The following CRYBG1 variants were observed in gnomAD, a reference collection of about 807,000 sequenced individuals.
The protein encoded by CRYBG1 is crystallin beta-gamma domain containing 1.
Under a neutral mutation model 189.2 loss-of-function variants are expected in CRYBG1, and 139 were observed. The ratio of observed to expected loss-of-function variants is 0.73; its 90% CI spans 0.64 to 0.85. CRYBG1 has a LOEUF of 0.85. CRYBG1 is among the 40% of genes least tolerant of loss of function. The pLI is 0.00. For synonymous variants in CRYBG1, 1,023 were observed against 1,017.1 expected (o/e 1.01, Z -0.11); for missense variants, 2,611 against 2,675.8 (o/e 0.98, Z 0.53).
At chr6:106,518,900 A>C (rs79409210) in intron 3 of CRYBG1, among the ~76,000 whole-genome samples, 5,242 of 152,142 alleles carry the variant, frequency 0.034, 319 homozygotes, top group East Asian at 0.24. Flanking sequence ...TCGAGGCTGC[A>C]GCAATCTATG....
At chr6:106,439,565 G>A (rs1241310518) in intron 1 of CRYBG1, among the ~76,000 whole-genome samples, 1 of 152,142 alleles carries the variant, frequency 6.6e-6, no homozygotes, top group Non-Finnish European at 1.5e-5. Flanking sequence ...TGACTCAAGA[G>A]TCCTCATCAT....
intron 1 of CRYBG1, among the ~76,000 whole-genome samples, chr6:106,412,918 G>T (rs1390540443): frequency 1.4e-5 from 2 of 138,918 alleles, no homozygotes; most frequent in Admixed American, 1.5e-4. Flanking sequence ...GCATCTGTCA[G>T]TACAGAAATC....
chr6:106,467,549 G>A (rs950474837), intron 2 of CRYBG1, among the ~76,000 whole-genome samples: 31 of 152,144 alleles, frequency 2.0e-4, no homozygotes, highest in Admixed American at 1.8e-3. Context: ...GAACCTGCTT[G>A]CAAGGACAAA....
chr6:106,449,088 G>C (rs891051503), intron 1 of CRYBG1, among the ~76,000 whole-genome samples: 1 of 152,176 alleles, frequency 6.6e-6, no homozygotes, highest in African/African-American at 2.4e-5. Flanking sequence ...CCAGGCAAAA[G>C]GATCCTATGT....
rs1379254020 is a variant in CRYBG1 at position 106,488,939 on chromosome 6, G to C, written c.313-22491G>C. Among the ~76,000 whole-genome samples, 8 of 152,268 alleles carry C rather than the reference G, an allele frequency of 5.3e-5. No individual in the cohort carries two copies. The East Asian group carries it at 1.5e-3, about 29-fold the overall frequency. On this transcript the variant is annotated intron_variant, in intron 2 of 21. Coordinates refer to ENST00000633556, the MANE Select transcript of CRYBG1 (RefSeq NM_001371242.2). ...TTGTGCTGTAGTGGCTTAGATCCTG[G>C]GGATGGGAGGTGTCAAGGGAGTTCT...
chr6:106,520,851 G>A lies in CRYBG1; in HGVS notation c.3643G>A (p.Val1215Met). The change falls in exon 4 of 22, where the codon GTG (valine) becomes ATG (methionine). Residue 1215 changes from valine (V) to methionine (M), a missense_variant. Coordinates refer to ENST00000633556, the MANE Select transcript of CRYBG1 (RefSeq NM_001371242.2). ...CACTAATGGGAACAGTGAGCCTCTG[G>A]TGATGCCGGAAATCAATGACAAAGA... Reference protein sequence around the residue: ...TNTNGNSEPLVMPEINDKENR... With the variant: ...TNTNGNSEPLMMPEINDKENR... The A allele has an allele frequency of 1.2e-6, 2 of 1,614,146 alleles. No homozygotes were observed. Among genetic ancestry groups the A allele is most frequent in the Non-Finnish European group, 1.7e-6 (2 of 1,180,012 alleles).
Position 106,464,958 on chromosome 6 carries a change from C to G in CRYBG1, c.312+13126C>G, listed in dbSNP as rs534840906. ...GCTTTTCTATTTTATTTTAAAATGG[C>G]ACTTATCTAAACTGGCAATAGTAAT... On this transcript the variant is annotated intron_variant, in intron 2 of 21. Transcript: ENST00000633556. Among the ~76,000 whole-genome samples, 5 of 152,208 alleles carry G rather than the reference C, an allele frequency of 3.3e-5. No individual in the cohort carries two copies. The South Asian group carries it at 1.0e-3, about 32-fold the overall frequency.
At chr6:106,389,907 A>G (rs1374793121) in intron 1 of CRYBG1, among the ~76,000 whole-genome samples, 1 of 152,118 alleles carries the variant, frequency 6.6e-6, no homozygotes, top group Non-Finnish European at 1.5e-5. Context: ...TTAATATGAA[A>G]TATTAACTTT....
chr6:106,545,864 G>C (rs1157204663), intron 13 of CRYBG1, among the ~76,000 whole-genome samples: 1 of 152,022 alleles, frequency 6.6e-6, no homozygotes, highest in Non-Finnish European at 1.5e-5. Flanking sequence ...TTTTTTTTTA[G>C]AGACAGGTTT....
intron 18 of CRYBG1, 149 bp from the exon 19 acceptor site, chr6:106,560,654 T>C (rs981483987): frequency 2.1e-6 from 2 of 939,680 alleles, no homozygotes; most frequent in Non-Finnish European, 2.9e-6. Context: ...TTACTTCTTT[T>C]AAGTGTTCTA....
chr6:106,403,317 A>C (rs775691152), intron 1 of CRYBG1, among the ~76,000 whole-genome samples: 7 of 152,336 alleles, frequency 4.6e-5, no homozygotes, highest in Non-Finnish European at 1.0e-4. Context: ...TGACAGAGCA[A>C]GACCCAGTCT....
In CRYBG1 at chr6:106,520,052, G is replaced by A. The variant is rs1442526860; in HGVS notation, c.2844G>A (p.Glu948=). ...GTAGTCCAGAAGCTGTGGGAAGTGA[G>A]TGTCCATCCAGAGTCCTCGTCCAGG... ...TERSPEAVGS[E]CPSRVLVQVR... The change falls in exon 4 of 22, where the codon GAG becomes GAA. Residue 948 remains glutamate, a synonymous_variant. Coordinates refer to ENST00000633556, the MANE Select transcript of CRYBG1 (RefSeq NM_001371242.2). 2 of 1,614,150 alleles carry A rather than the reference G, an allele frequency of 1.2e-6. No homozygotes were observed. Among genetic ancestry groups the A allele is most frequent in the Non-Finnish European group, 8.5e-7 (1 of 1,179,996 alleles).
intron 1 of CRYBG1, among the ~76,000 whole-genome samples, chr6:106,446,644 G>A (rs1771669183): frequency 6.6e-6 from 1 of 152,150 alleles, no homozygotes; most frequent in Non-Finnish European, 1.5e-5. Flanking sequence ...GAACAACTTG[G>A]TGGTGTAGAC....
intron 2 of CRYBG1, among the ~76,000 whole-genome samples, chr6:106,472,739 T>TAA (rs34089235): frequency 0.015 from 2,191 of 144,710 alleles, 70 homozygotes; most frequent in African/African-American, 0.053. Context: ...CACAAAATAT[T>TAA]AAAAAAAAAA....
chr6:106,520,130 C>G lies in CRYBG1; in HGVS notation c.2922C>G (p.Val974=), dbSNP rs754653234. ...VESTQDVSSQ[V]IPESSEVREV... ...GCACCCAGGATGTGAGCTCCCAGGT[C>G]ATCCCAGAGAGCTCTGAAGTTAGAG... The change falls in exon 4 of 22, where the codon GTC becomes GTG. Residue 974 remains valine, a synonymous_variant. Transcript: ENST00000633556. The G allele has an allele frequency of 1.2e-6, 2 of 1,614,138 alleles. No individual in the cohort carries two copies. Among genetic ancestry groups the G allele is most frequent in the South Asian group, 1.1e-5 (1 of 91,068 alleles).
chr6:106,493,821 G>A (rs1018265487), intron 2 of CRYBG1, among the ~76,000 whole-genome samples: 6 of 152,120 alleles, frequency 3.9e-5, no homozygotes, highest in Admixed American at 2.0e-4. Context: ...GGGGAAGGGA[G>A]AGAATCAGGA....
chr6:106,412,652 G>T (rs953535113), intron 1 of CRYBG1, among the ~76,000 whole-genome samples: 1 of 152,204 alleles, frequency 6.6e-6, no homozygotes, highest in African/African-American at 2.4e-5. Flanking sequence ...CACATGTCCT[G>T]CAATTACTAT....
intron 8 of CRYBG1, among the ~76,000 whole-genome samples, chr6:106,531,604 A>G (rs1368120101): frequency 6.6e-6 from 1 of 152,180 alleles, no homozygotes; most frequent in Non-Finnish European, 1.5e-5. Context: ...AGAGCTTTGT[A>G]GGGAAAGGAA....
intron 2 of CRYBG1, among the ~76,000 whole-genome samples, chr6:106,481,464 C>T (rs924050339): frequency 1.3e-5 from 2 of 152,118 alleles, no homozygotes; most frequent in Non-Finnish European, 2.9e-5. Context: ...ACTGAGGTCT[C>T]AGCCCTTCCT....
Sources: gnomAD v4.1 joint callset for allele counts (sites outside exome capture counted in the v4.1 genomes callset) on GRCh38, gnomAD v4.1.1 for gene constraint, MANE v1.5 for transcripts, NCBI Gene and HGNC (gene_info 2026-07-23, HGNC 2026-07-21) for gene names.